Variants in DNAJA3 observed in about 807,000 individuals in gnomAD.
DNAJA3 encodes DnaJ heat shock protein family (Hsp40) member A3.
DNAJA3 carries 29 observed loss-of-function variants against 54.9 expected under a neutral mutation model. The observed-to-expected ratio is 0.53, with a 90% CI of 0.39 to 0.72. The LOEUF is 0.72. DNAJA3 is among the 30% of genes least tolerant of loss of function. The pLI is 0.00. For synonymous variants in DNAJA3, 302 were observed against 251.4 expected, an observed-to-expected ratio of 1.20 and a Z score of -1.90; for missense variants, 708 against 639.4, an observed-to-expected ratio of 1.11 and a Z score of -1.16.
intron 1 of DNAJA3, chr16:4,433,725 G>A (rs1185316890): frequency 6.6e-6 from 1 of 152,208 alleles, no homozygotes; most frequent in African/African-American, 2.4e-5. Flanking sequence ...TGGCATAAGA[G>A]GGGGGAGCTG....
rs1204895280 is a variant in DNAJA3, at chr16:4,455,560, G to T, written c.*28G>T. ...CTTTGGCTCAGGAAAAAGATCCACTGGAAACTAGGCCGGGAAGCAGCAGCC... is the reference window on the plus strand; with the variant it reads ...CTTTGGCTCAGGAAAAAGATCCACTTGAAACTAGGCCGGGAAGCAGCAGCC... On this transcript the variant is annotated 3_prime_UTR_variant, in exon 12 of 12. Transcript: ENST00000262375. The T allele has an allele frequency of 6.4e-7, 1 of 1,551,682 alleles. No homozygotes were observed. The highest frequency in any genetic ancestry group is 8.7e-7 in the Non-Finnish European group (1 of 1,147,004).
intron 1 of DNAJA3, among the ~76,000 whole-genome samples, chr16:4,429,106 C>T (rs1333799088): frequency 6.6e-6 from 1 of 151,874 alleles, no homozygotes; most frequent in Non-Finnish European, 1.5e-5. Context: ...GCCAGGACGT[C>T]TCGATCTCCT....
chr16:4,437,568 G>A (rs1027345087), intron 3 of DNAJA3, 83 bp downstream of exon 3: 2 of 1,154,806 alleles, frequency 1.7e-6, no homozygotes, highest in South Asian at 1.3e-5. Flanking sequence ...GGGACAGCCT[G>A]GTGTGTCATA....
chr16:4,442,930 GAC>G, intron 5 of DNAJA3, 85 bp from the exon 6 acceptor site: 3 of 1,481,134 alleles, frequency 2.0e-6, no homozygotes, highest in Non-Finnish European at 2.8e-6. Flanking sequence ...GCCTTAAAGA[GAC>G]ATTTTTCTTA....
chr16:4,433,050 G>C (rs1408537886), intron 1 of DNAJA3, among the ~76,000 whole-genome samples: 2 of 152,136 alleles, frequency 1.3e-5, no homozygotes, highest in Non-Finnish European at 2.9e-5. Context: ...GCTGAGGCAG[G>C]AGAATGGCGT....
At chr16:4,436,692 T>A (rs1004629182) in intron 2 of DNAJA3, among the ~76,000 whole-genome samples, 7 of 151,944 alleles carry the variant, frequency 4.6e-5, no homozygotes, top group African/African-American at 1.7e-4. Context: ...CGTGTGACCA[T>A]ACCTGGCTAA....
At chr16:4,434,272 C>T (rs1004979197) in intron 1 of DNAJA3, 112 bp from the exon 2 acceptor site, 1 of 1,262,594 alleles carries the variant, frequency 7.9e-7, no homozygotes, top group East Asian at 2.3e-5. Context: ...CACAGCCAAA[C>T]CTTATCAGTT....
At chr16:4,431,057 A>G (rs1329826364) in intron 1 of DNAJA3, 1 of 152,132 alleles carries the variant, frequency 6.6e-6, no homozygotes, top group Non-Finnish European at 1.5e-5. Context: ...AAAAGAAAAA[A>G]CAAAGCCATC....
chr16:4,455,932 T>C lies in DNAJA3; in HGVS notation c.*400T>C. 3.1e-6 allele frequency: 1 copy of C among 324,186 alleles called. No individual in the cohort carries two copies. Among genetic ancestry groups the C allele is most frequent in the Non-Finnish European group, 5.7e-6 (1 of 174,972 alleles). The allele number at this position is 324,186 out of a possible 1,614,324, so 20.1% of individuals were successfully genotyped here. A position where few individuals can be genotyped will look rare whatever the true frequency, so the allele number is the denominator to read the frequency against. On this transcript the variant is annotated 3_prime_UTR_variant, in exon 12 of 12. Coordinates refer to ENST00000262375, the MANE Select transcript of DNAJA3 (RefSeq NM_005147.6). The stretch of plus-strand genomic sequence containing the variant: ...CCTTAAGCTGCATCAAGTTACGAAG[T>C]GATTAATTTCCTTCTCAGCAAACCT...
chr16:4,433,762 A>G (rs2056736503), intron 1 of DNAJA3: 1 of 152,230 alleles, frequency 6.6e-6, no homozygotes, highest in Admixed American at 6.5e-5. Context: ...TCTCCCAGTC[A>G]GGAGTATTAT....
intron 8 of DNAJA3, 94 bp from the exon 9 acceptor site, chr16:4,448,639 A>T: frequency 1.2e-6 from 1 of 862,770 alleles, no homozygotes; most frequent in Non-Finnish European, 1.9e-6. Flanking sequence ...AGTTCTTTTC[A>T]AGGAATTCCT....
At chr16:4,431,102 C>T (rs989785960) in intron 1 of DNAJA3, 1 of 152,146 alleles carries the variant, frequency 6.6e-6, no homozygotes, top group African/African-American at 2.4e-5. Flanking sequence ...TCTTTATCCA[C>T]ATGCAGTTTT....
Position 4,434,403 on chromosome 16 carries a change from C to G in DNAJA3, c.231C>G (p.Phe77Leu), listed in dbSNP as rs978217090. The G allele has an allele frequency of 1.1e-5, 17 of 1,613,052 alleles. No homozygotes were observed. The highest frequency in any genetic ancestry group is 3.3e-4 in the Middle Eastern group (2 of 6,084). The stretch of plus-strand genomic sequence containing the variant: ...TTTTAGGAACAAAACATAACCCTTT[C>G]ATTTGTACTGCCTCCTTCCACACGA... ...VSLTGTKHNP[F>L]ICTASFHTSA... Residue 77 changes from phenylalanine to leucine, a missense_variant, in exon 2 of 12, where the codon TTC (phenylalanine) becomes TTG (leucine). By Grantham distance (22) the Phe-to-Leu change is conservative (BLOSUM62 0). Transcript: ENST00000262375.
chr16:4,441,107 T>G (rs941801753), intron 3 of DNAJA3: 1 of 524,976 alleles, frequency 1.9e-6, no homozygotes, highest in Non-Finnish European at 3.4e-6. Context: ...CAAGCGAGGA[T>G]CAACACAAAC....
intron 10 of DNAJA3, among the ~76,000 whole-genome samples, chr16:4,452,031 C>T (rs2056984667): frequency 6.6e-6 from 1 of 152,084 alleles, no homozygotes; most frequent in African/African-American, 2.4e-5. Context: ...GATTGCACCA[C>T]TGCACTACAG....
At chr16:4,426,765 A>G (rs909844014) in intron 1 of DNAJA3, 2 of 152,180 alleles carry the variant, frequency 1.3e-5, no homozygotes, top group Admixed American at 6.5e-5. Context: ...TCCACATGAT[A>G]GGCACTGTTA....
At chr16:4,454,766 A>C (rs755117576) in intron 10 of DNAJA3, 45 bp from the exon 11 acceptor site, 1 of 1,458,162 alleles carries the variant, frequency 6.9e-7, no homozygotes, top group South Asian at 1.2e-5. Context: ...GTGACTGTGG[A>C]AGTGCAGGCC....
intron 3 of DNAJA3, among the ~76,000 whole-genome samples, chr16:4,438,261 G>T (rs1436035966): frequency 5.3e-5 from 8 of 151,722 alleles, no homozygotes; most frequent in Non-Finnish European, 1.2e-4. Context: ...AGCTTGCAGT[G>T]AGCTGAGATT....
chr16:4,437,870 T>C (rs926168297), intron 3 of DNAJA3, among the ~76,000 whole-genome samples: 11 of 151,350 alleles, frequency 7.3e-5, no homozygotes, highest in African/African-American at 2.7e-4. Flanking sequence ...GGTTCATCAC[T>C]TGAGGGGCTC....
Sources: gnomAD v4.1 joint callset for allele counts (sites outside exome capture counted in the v4.1 genomes callset) on GRCh38, gnomAD v4.1.1 for gene constraint, MANE v1.5 for transcripts, NCBI Gene and HGNC (gene_info 2026-07-23, HGNC 2026-07-21) for gene names.